Variants in GTF2IRD1 observed in about 807,000 individuals in gnomAD.
The protein encoded by GTF2IRD1 is general transcription factor II-I repeat domain-containing protein 1.
In GTF2IRD1, 26 loss-of-function variants were observed where a neutral mutation model predicts 113.2. The observed-to-expected ratio is 0.23, with a 90% CI of 0.17 to 0.32. GTF2IRD1 has a LOEUF of 0.32. Ranked by LOEUF, GTF2IRD1 falls within the 10% of genes least tolerant of loss-of-function variation. GTF2IRD1 has a pLI of 1.00. For missense variants in GTF2IRD1, 864 were observed against 1,280.8 expected (o/e 0.67, Z 4.97); for synonymous variants, 484 against 529.1 (o/e 0.91, Z 1.17).
intron 1 of GTF2IRD1, among the ~76,000 whole-genome samples, chr7:74,502,946 C>G (rs1179059779): frequency 6.6e-6 from 1 of 152,152 alleles, no homozygotes; most frequent in Non-Finnish European, 1.5e-5. Context: ...GCGGGCGGAT[C>G]ACCTGAGGTC....
At chr7:74,472,592 CA>C (rs1165905163) in intron 1 of GTF2IRD1, among the ~76,000 whole-genome samples, 1 of 151,316 alleles carries the variant, frequency 6.6e-6, no homozygotes, top group Admixed American at 6.6e-5. Context: ...ATTAAAAATA[CA>C]AAAAAAAATT....
chr7:74,477,829 C>T (rs1179761423), intron 1 of GTF2IRD1, among the ~76,000 whole-genome samples: 3 of 152,124 alleles, frequency 2.0e-5, no homozygotes, highest in East Asian at 3.9e-4. Context: ...GAGTAATGGG[C>T]TTTTTTCCGT....
At chr7:74,508,248 C>T (rs1333776280) in intron 2 of GTF2IRD1, 45 bp downstream of exon 2, 5 of 1,580,846 alleles carry the variant, frequency 3.2e-6, no homozygotes, top group Non-Finnish European at 4.3e-6. Context: ...GGGTGAGCGT[C>T]CCCACCTGCC....
At chr7:74,574,403 C>A (rs1443407013) in intron 22 of GTF2IRD1, among the ~76,000 whole-genome samples, 1 of 151,526 alleles carries the variant, frequency 6.6e-6, no homozygotes, top group Non-Finnish European at 1.5e-5. Flanking sequence ...CTTGGTTTCC[C>A]AAAGTGCTGG....
intron 22 of GTF2IRD1, among the ~76,000 whole-genome samples, chr7:74,574,455 AT>A (rs369245593): frequency 0.14 from 17,448 of 128,200 alleles, 1,171 homozygotes; most frequent in South Asian, 0.19. Flanking sequence ...AGATACTGGA[AT>A]TTTTTTTTTT....
intron 1 of GTF2IRD1, among the ~76,000 whole-genome samples, chr7:74,489,377 C>G (rs868982455): frequency 1.3e-5 from 2 of 151,966 alleles, no homozygotes; most frequent in Admixed American, 6.6e-5. Flanking sequence ...GAGTCTTGCT[C>G]TGTTGCCCAG....
At chr7:74,469,094 A>G (rs2116985310) in intron 1 of GTF2IRD1, among the ~76,000 whole-genome samples, 1 of 151,976 alleles carries the variant, frequency 6.6e-6, no homozygotes, top group East Asian at 1.9e-4. Context: ...CAAAAAAAAA[A>G]AAAATATGGA....
intron 17 of GTF2IRD1, among the ~76,000 whole-genome samples, chr7:74,547,503 C>T (rs1554353666): frequency 3.7e-5 from 5 of 136,346 alleles, no homozygotes; most frequent in Admixed American, 3.3e-4. Context: ...TACAGTGATA[C>T]GAACTTGGCT....
At chr7:74,539,835 T>G (rs1489513461) in intron 13 of GTF2IRD1, 44 bp from the exon 14 acceptor site, 1 of 1,380,116 alleles carries the variant, frequency 7.2e-7, no homozygotes, top group African/African-American at 1.4e-5. Flanking sequence ...GACAGGAGTA[T>G]GACAGGCAGA....
At chr7:74,455,106 T>C (rs1435631232) in intron 1 of GTF2IRD1, among the ~76,000 whole-genome samples, 1 of 152,114 alleles carries the variant, frequency 6.6e-6, no homozygotes, top group African/African-American at 2.4e-5. Context: ...CTAGTGACCC[T>C]ACCTCCCAGG....
At chr7:74,456,818 G>A (rs534841593) in intron 1 of GTF2IRD1, among the ~76,000 whole-genome samples, 2 of 152,168 alleles carry the variant, frequency 1.3e-5, no homozygotes, top group South Asian at 2.1e-4. Flanking sequence ...GGAGGCTGGG[G>A]GGCTTCCTTT....
chr7:74,602,479 T>C lies in GTF2IRD1; in HGVS notation c.*46T>C. ...CCTCACTCAGAAAGACTAAAGGAAA[T>C]GTAATTTATGTACAAAATGTATATT... On this transcript the variant is annotated 3_prime_UTR_variant, in exon 27 of 27. Transcript: ENST00000424337. The C allele has an allele frequency of 6.7e-7, 1 of 1,486,832 alleles. No individual in the cohort carries two copies. Among genetic ancestry groups the C allele is most frequent in the East Asian group, 2.3e-5 (1 of 44,208 alleles). The allele number at this position is 1,486,832 out of a possible 1,614,324, so 92.1% of individuals were successfully genotyped here. A position where few individuals can be genotyped will look rare whatever the true frequency, so the allele number is the denominator to read the frequency against.
intron 1 of GTF2IRD1, among the ~76,000 whole-genome samples, chr7:74,497,693 G>C (rs1414462280): frequency 6.6e-6 from 1 of 152,046 alleles, no homozygotes; most frequent in African/African-American, 2.4e-5. Context: ...TCCTGTGTGT[G>C]GTTTTGTTTG....
chr7:74,593,597 G>A (rs1802206790), intron 24 of GTF2IRD1, among the ~76,000 whole-genome samples: 1 of 151,672 alleles, frequency 6.6e-6, no homozygotes, highest in African/African-American at 2.4e-5. Flanking sequence ...GCCGGGCGTG[G>A]CGCAGGGCAC....
At chr7:74,494,871 C>T (rs1795567255) in intron 1 of GTF2IRD1, among the ~76,000 whole-genome samples, 2 of 152,284 alleles carry the variant, frequency 1.3e-5, no homozygotes, top group African/African-American at 4.8e-5. Context: ...CTTGCCTCAG[C>T]CTCCCCAGTA....
At chr7:74,508,432 C>T (rs1796422874) in intron 2 of GTF2IRD1, among the ~76,000 whole-genome samples, 1 of 152,174 alleles carries the variant, frequency 6.6e-6, no homozygotes, top group South Asian at 2.1e-4. Context: ...TGGCTCATGC[C>T]TGTAATCCTA....
intron 1 of GTF2IRD1, among the ~76,000 whole-genome samples, chr7:74,462,747 C>G: frequency 6.6e-6 from 1 of 152,190 alleles, no homozygotes; most frequent in Non-Finnish European, 1.5e-5. Flanking sequence ...GACCCCAAGC[C>G]GGGGGAGCTG....
chr7:74,582,131 G>A (rs587718126), intron 22 of GTF2IRD1, among the ~76,000 whole-genome samples: 1 of 152,372 alleles, frequency 6.6e-6, no homozygotes, highest in African/African-American at 2.4e-5. Flanking sequence ...CGGGGGCCAC[G>A]ATTCCTGTCG....
intron 16 of GTF2IRD1, 28 bp from the exon 17 acceptor site, chr7:74,547,075 T>G (rs1387380685): frequency 6.3e-7 from 1 of 1,598,256 alleles, no homozygotes; most frequent in Non-Finnish European, 8.5e-7. Context: ...TGGCACCGGG[T>G]GGCCCTACAG....
Sources: allele counts gnomAD v4.1 joint callset (sites outside exome capture counted in the v4.1 genomes callset), GRCh38; gene constraint gnomAD v4.1.1; transcripts MANE v1.5; gene names NCBI Gene and HGNC (gene_info 2026-07-23, HGNC 2026-07-21).